The following ABHD12B variants were observed in gnomAD, a reference collection of about 807,000 sequenced individuals.
The protein encoded by ABHD12B is abhydrolase domain containing 12B.
In ABHD12B, 42 loss-of-function variants were observed where a neutral mutation model predicts 50.4. The observed-to-expected ratio is 0.83, with a 90% confidence interval of 0.65 to 1.08. The LOEUF (loss-of-function observed/expected upper bound fraction) is 1.08, where lower values mean the gene tolerates loss of function less well. Among genes scored for constraint, ABHD12B ranks in the 50% least tolerant of loss-of-function variants. The pLI is 0.00. For synonymous variants in ABHD12B, 167 were observed against 160.3 expected (o/e 1.04, Z -0.32); for missense variants, 479 against 447.7 (o/e 1.07, Z -0.63).
chr14:50,882,092 C>G (rs549560795), intron 5 of ABHD12B, among the ~76,000 whole-genome samples: 1 of 151,934 alleles, frequency 6.6e-6, no homozygotes, highest in Non-Finnish European at 1.5e-5. Flanking sequence ...CCAACCACCA[C>G]GCCCGGCTAA....
chr14:50,891,545 TAAAG>T (rs752414296), intron 9 of ABHD12B: 9 of 152,236 alleles, frequency 5.9e-5, no homozygotes, highest in Non-Finnish European at 5.9e-5. Context: ...GCCCAGCTGA[TAAAG>T]AGAGATTTCT....
chr14:50,888,013 TG>T (rs2050065139), intron 8 of ABHD12B, among the ~76,000 whole-genome samples: 1 of 152,208 alleles, frequency 6.6e-6, no homozygotes, highest in African/African-American at 2.4e-5. Flanking sequence ...GTATTGGTTC[TG>T]TAGTTTCTCA....
At chr14:50,874,663 C>T (rs1338598827) in intron 1 of ABHD12B, among the ~76,000 whole-genome samples, 2 of 151,834 alleles carry the variant, frequency 1.3e-5, no homozygotes, top group Admixed American at 1.3e-4. Flanking sequence ...TTGGGGGAAA[C>T]CAAAGGTTTA....
intron 9 of ABHD12B, chr14:50,891,195 T>G (rs566909065): frequency 6.6e-6 from 1 of 152,180 alleles, no homozygotes; most frequent in Non-Finnish European, 1.5e-5. Context: ...TATATTGTAT[T>G]ATTTTGTTTT....
chr14:50,901,591 G>GT (rs1356694482), intron 9 of ABHD12B, among the ~76,000 whole-genome samples: 1 of 152,202 alleles, frequency 6.6e-6, no homozygotes, highest in Non-Finnish European at 1.5e-5. Context: ...AAAACAAAAT[G>GT]TTAACAATGA....
At position 50,901,983 on chromosome 14, in the gene ABHD12B, T is replaced by C. The variant is rs536220047; in HGVS notation, c.863+72T>C. On this transcript the variant is annotated intron_variant, in intron 10 of 12. Coordinates refer to ENST00000337334, the MANE Select transcript of ABHD12B (RefSeq NM_001206673.2). ...TTCTAGGGGCAACTATCATGTGACT[T>C]ACTGGATGGTGACATGAGACATCCT... The C allele has an allele frequency of 7.2e-5, 71 of 987,808 alleles. No homozygotes were observed. In the South Asian group the frequency reaches 1.2e-3, roughly 16 times the overall value. 61.2% of individuals were successfully genotyped at this position (987,808 alleles called of 1,614,324 possible).
chr14:50,881,680 A>G, intron 5 of ABHD12B, 54 bp downstream of exon 5: 7 of 1,605,754 alleles, frequency 4.4e-6, no homozygotes, highest in South Asian at 2.2e-5. Flanking sequence ...TTGATATGTC[A>G]TAAGATTTTC....
intron 11 of ABHD12B, 21 bp downstream of exon 11, chr14:50,903,488 T>A: frequency 1.3e-6 from 2 of 1,592,588 alleles, no homozygotes; most frequent in South Asian, 2.2e-5. Context: ...GGCTCAATGC[T>A]GACTGAAATA....
At position 50,880,522 on chromosome 14, in the gene ABHD12B, C is replaced by A. The variant is rs374247021; in HGVS notation, c.406C>A (p.Arg136Ser). 1 of 1,608,240 alleles carries A rather than the reference C, an allele frequency of 6.2e-7. No individual in the cohort carries two copies. Among genetic ancestry groups the A allele is most frequent in the Non-Finnish European group, 8.5e-7 (1 of 1,176,898 alleles). Residue 136 changes from arginine (R) to serine (S), a missense_variant, in exon 4 of 13, where the codon CGT becomes AGT. Arg to Ser is a moderately radical substitution (Grantham distance 110). Coordinates refer to ENST00000337334, the MANE Select transcript of ABHD12B (RefSeq NM_001206673.2). ...CTGTTGCTGGTATGAAGCAGCCCTT[C>A]GTGATGGGAACCCAATTATTGTTTA... ...KDCCWYEAAL[R>S]DGNPIIVYLH... is the part of the protein sequence containing the mutation.
intron 10 of ABHD12B, among the ~76,000 whole-genome samples, chr14:50,902,990 G>A (rs1596025749): frequency 6.6e-6 from 1 of 152,128 alleles, no homozygotes; most frequent in South Asian, 2.1e-4. Context: ...TTGAGGTTTT[G>A]AGTTTTGTTT....
chr14:50,873,062 G>A (rs2049807764), intron 1 of ABHD12B, among the ~76,000 whole-genome samples: 1 of 152,206 alleles, frequency 6.6e-6, no homozygotes, highest in Non-Finnish European at 1.5e-5. Context: ...TTTTGTTGGT[G>A]TGGGAAGGTA....
chr14:50,886,670 T>A lies in ABHD12B; in HGVS notation c.686T>A (p.Val229Glu). The A allele has an allele frequency of 6.2e-7, 1 of 1,609,132 alleles. No homozygotes were observed. Among genetic ancestry groups the A allele is most frequent in the Non-Finnish European group, 8.5e-7 (1 of 1,177,422 alleles). ...AGAGTTGCAACAAATGCTGCAAAAG[T>A]GCTAGAAGAAAAAGGTAATATAAAA... Reference protein sequence around the residue: ...GTGVATNAAKVLEEKGCPVDA... With the variant: ...GTGVATNAAKELEEKGCPVDA... Residue 229 changes from valine to glutamate, a missense_variant, in exon 8 of 13, where the codon GTG becomes GAG. By Grantham distance (121) the Val-to-Glu change is moderately radical. Coordinates refer to ENST00000337334, the MANE Select transcript of ABHD12B (RefSeq NM_001206673.2).
rs181151835 is a variant in ABHD12B at position 50,904,758 on chromosome 14, G to A, written c.*392G>A. 1 of 303,372 alleles carries A rather than the reference G, an allele frequency of 3.3e-6. No individual in the cohort carries two copies. Among genetic ancestry groups the A allele is most frequent in the East Asian group, 7.8e-5 (1 of 12,874 alleles). 18.8% of individuals were successfully genotyped at this position (303,372 alleles called of 1,614,324 possible). A position where few individuals can be genotyped will look rare whatever the true frequency, so the allele number is the denominator to read the frequency against. The stretch of plus-strand genomic sequence containing the variant: ...ATCACCAGTGTGATGGTAATAGGAG[G>A]TGGGACTGAGCTCTGATGAATGAGA... On this transcript the variant is annotated 3_prime_UTR_variant, in exon 13 of 13. Transcript: ENST00000337334.
At position 50,896,092 on chromosome 14, in the gene ABHD12B, C is replaced by T. The variant is rs530319007; in HGVS notation, c.781-5737C>T. On this transcript the variant is annotated intron_variant, in intron 9 of 12. Coordinates refer to ENST00000337334, the MANE Select transcript of ABHD12B (RefSeq NM_001206673.2). ...CAAGTATAAGATACCTCTACTCCCT[C>T]CTTGGTGACCGATCATGCACCCCTT... is the stretch of plus-strand genomic sequence containing the variant. Among the ~76,000 whole-genome samples, 401 of 152,246 alleles carry T rather than the reference C, an allele frequency of 2.6e-3. 3 individuals carry two copies. The highest frequency in any genetic ancestry group is 9.1e-3 in the African/African-American group (379 of 41,546).
chr14:50,886,801 G>C, intron 8 of ABHD12B, 117 bp downstream of exon 8: 1 of 886,812 alleles, frequency 1.1e-6, no homozygotes, highest in Non-Finnish European at 1.7e-6. Flanking sequence ...CCCAACTTTA[G>C]ATGGTTTCTG....
At chr14:50,878,668 G>A in intron 2 of ABHD12B, 77 bp from the exon 3 acceptor site, 1 of 1,195,426 alleles carries the variant, frequency 8.4e-7, no homozygotes, top group Non-Finnish European at 1.2e-6. Context: ...ACCTGTGTAG[G>A]CTAATTCCTT....
intron 2 of ABHD12B, 78 bp from the exon 3 acceptor site, chr14:50,878,667 G>A: frequency 8.4e-7 from 1 of 1,185,374 alleles, no homozygotes; most frequent in East Asian, 2.4e-5. Flanking sequence ...AACCTGTGTA[G>A]GCTAATTCCT....
At chr14:50,890,363 C>T (rs1428627120) in intron 9 of ABHD12B, among the ~76,000 whole-genome samples, 1 of 152,170 alleles carries the variant, frequency 6.6e-6, no homozygotes, top group Non-Finnish European at 1.5e-5. Context: ...AAATGAGCAT[C>T]ACCCACACTC....
intron 10 of ABHD12B, among the ~76,000 whole-genome samples, chr14:50,902,770 T>C (rs890763276): frequency 6.6e-6 from 1 of 152,110 alleles, no homozygotes; most frequent in Non-Finnish European, 1.5e-5. Context: ...TATCAGAATT[T>C]TGGGGGGACA....
Sources: gnomAD v4.1 joint callset for allele counts (sites outside exome capture counted in the v4.1 genomes callset) on GRCh38, gnomAD v4.1.1 for gene constraint, MANE v1.5 for transcripts, NCBI Gene and HGNC (gene_info 2026-07-23, HGNC 2026-07-21) for gene names.